Variants in ARHGAP10 observed in about 807,000 individuals in gnomAD.
The protein encoded by ARHGAP10 is rho GTPase-activating protein 10.
Under a neutral mutation model 108.6 loss-of-function variants are expected in ARHGAP10, and 87 were observed. That is an observed-to-expected ratio of 0.80 (90% CI 0.67 to 0.96). The LOEUF (loss-of-function observed/expected upper bound fraction) is 0.96, where lower values mean the gene tolerates loss of function less well. ARHGAP10 is among the 40% of genes least tolerant of loss of function. ARHGAP10 has a pLI of 0.00. For synonymous variants in ARHGAP10, 347 were observed against 341.1 expected, an observed-to-expected ratio of 1.02 and a Z score of -0.19; for missense variants, 939 against 954.5, an observed-to-expected ratio of 0.98 and a Z score of 0.21.
At chr4:147,994,108 A>T (rs1218002668) in intron 18 of ARHGAP10, among the ~76,000 whole-genome samples, 2 of 152,218 alleles carry the variant, frequency 1.3e-5, no homozygotes, top group African/African-American at 4.8e-5. Flanking sequence ...ACAGTTAGAA[A>T]GTTCCTTGTG....
At chr4:147,751,509 G>A (rs1477011854) in intron 1 of ARHGAP10, among the ~76,000 whole-genome samples, 3 of 151,658 alleles carry the variant, frequency 2.0e-5, no homozygotes, top group South Asian at 2.1e-4. Flanking sequence ...GATGACAGGC[G>A]CATGCTACCA....
intron 1 of ARHGAP10, among the ~76,000 whole-genome samples, chr4:147,776,926 G>T (rs1302458524): frequency 2.6e-5 from 4 of 152,200 alleles, no homozygotes; most frequent in African/African-American, 9.7e-5. Flanking sequence ...GGTGGGCTCT[G>T]TCCTACGAGA....
At chr4:148,008,656 A>T (rs971812966) in intron 18 of ARHGAP10, among the ~76,000 whole-genome samples, 3 of 152,118 alleles carry the variant, frequency 2.0e-5, no homozygotes, top group African/African-American at 4.8e-5. Flanking sequence ...GTTGGGTTGG[A>T]TGTTTTTAAT....
At chr4:147,994,842 G>T (rs1403473334) in intron 18 of ARHGAP10, among the ~76,000 whole-genome samples, 1 of 152,196 alleles carries the variant, frequency 6.6e-6, no homozygotes, top group South Asian at 2.1e-4. Flanking sequence ...GGAAATGACC[G>T]CTAAGAGGAT....
chr4:147,798,724 A>ACTCTCT (rs1178256407), intron 1 of ARHGAP10, among the ~76,000 whole-genome samples: 9 of 86,008 alleles, frequency 1.0e-4, no homozygotes, highest in African/African-American at 6.2e-4. Context: ...AGTTTGAGAC[A>ACTCTCT]CTCTCTCTCT....
At chr4:147,984,218 G>A (rs189949720) in intron 18 of ARHGAP10, among the ~76,000 whole-genome samples, 9 of 152,308 alleles carry the variant, frequency 5.9e-5, no homozygotes, top group African/African-American at 2.2e-4. Flanking sequence ...TGGGCAGAGG[G>A]AGGCAACAGA....
At chr4:147,937,076 C>T (rs1225457618) in intron 13 of ARHGAP10, among the ~76,000 whole-genome samples, 1 of 152,200 alleles carries the variant, frequency 6.6e-6, no homozygotes, top group Non-Finnish European at 1.5e-5. Flanking sequence ...ATCCCCCCCA[C>T]CCCAATCGGT....
intron 4 of ARHGAP10, among the ~76,000 whole-genome samples, chr4:147,848,542 T>G (rs771114470): frequency 2.6e-5 from 4 of 152,234 alleles, no homozygotes; most frequent in Non-Finnish European, 4.4e-5. Context: ...ATGATTTTGT[T>G]TTGATTGTGT....
intron 19 of ARHGAP10, among the ~76,000 whole-genome samples, chr4:148,032,823 T>A (rs191937845): frequency 8.5e-5 from 13 of 152,086 alleles, no homozygotes; most frequent in Admixed American, 4.6e-4. Flanking sequence ...AGTCCAAATC[T>A]GAAGAACTTG....
intron 19 of ARHGAP10, among the ~76,000 whole-genome samples, chr4:148,038,989 T>G (rs1233971470): frequency 1.3e-5 from 2 of 152,170 alleles, no homozygotes; most frequent in African/African-American, 4.8e-5. Flanking sequence ...TATATTTCTC[T>G]CCCCACTTCC....
intron 22 of ARHGAP10, among the ~76,000 whole-genome samples, chr4:148,069,657 T>C (rs980012297): frequency 1.7e-4 from 26 of 152,212 alleles, no homozygotes; most frequent in African/African-American, 6.3e-4. Flanking sequence ...TGAGACTCTC[T>C]TACTGCCTCC....
chr4:148,047,753 A>G (rs1004446153), intron 20 of ARHGAP10, among the ~76,000 whole-genome samples: 21 of 152,366 alleles, frequency 1.4e-4, no homozygotes, highest in Admixed American at 1.0e-3. Context: ...AATAATAATT[A>G]CAAGGCAATA....
chr4:147,769,306 T>A (rs567843457), intron 1 of ARHGAP10, among the ~76,000 whole-genome samples: 2 of 152,218 alleles, frequency 1.3e-5, no homozygotes, highest in South Asian at 4.1e-4. Flanking sequence ...TCAGTAAATG[T>A]TGTTGAGGAA....
At chr4:147,797,325 A>G (rs958220898) in intron 1 of ARHGAP10, among the ~76,000 whole-genome samples, 1 of 151,952 alleles carries the variant, frequency 6.6e-6, no homozygotes, top group African/African-American at 2.4e-5. Flanking sequence ...CATGCCTTCT[A>G]TGTTCCTCAC....
Position 147,775,491 on chromosome 4 carries a change from G to A in ARHGAP10, c.154+43036G>A, listed in dbSNP as rs951760218. Among the ~76,000 whole-genome samples, 8 of 152,180 alleles carry A rather than the reference G, an allele frequency of 5.3e-5. No individual in the cohort carries two copies. In the South Asian group the frequency reaches 1.7e-3, roughly 32 times the overall value. ...ACTCTTCCTCAGAGCTGCATTAGGG[G>A]CCTATCAAGCCTTGCTCTCACATAT... On this transcript the variant is annotated intron_variant, in intron 1 of 22. Coordinates refer to ENST00000336498, the MANE Select transcript of ARHGAP10 (RefSeq NM_024605.4).
chr4:147,746,561 T>C (rs1728933141), intron 1 of ARHGAP10, among the ~76,000 whole-genome samples: 1 of 151,968 alleles, frequency 6.6e-6, no homozygotes, highest in African/African-American at 2.4e-5. Context: ...CGTTAATTTT[T>C]GTATTTTTAG....
chr4:148,027,222 T>C (rs1727911256), intron 19 of ARHGAP10, among the ~76,000 whole-genome samples: 6 of 152,264 alleles, frequency 3.9e-5, no homozygotes, highest in Admixed American at 3.3e-4. Flanking sequence ...ATGTATCTTC[T>C]GGTGTAATTA....
chr4:148,030,733 C>A (rs1436215280), intron 19 of ARHGAP10, among the ~76,000 whole-genome samples: 1 of 152,150 alleles, frequency 6.6e-6, no homozygotes, highest in East Asian at 1.9e-4. Context: ...CATCAGTTGT[C>A]TTCAGTTGGC....
At chr4:147,964,549 C>T (rs1025170754) in intron 16 of ARHGAP10, among the ~76,000 whole-genome samples, 6 of 152,178 alleles carry the variant, frequency 3.9e-5, no homozygotes, top group Non-Finnish European at 8.8e-5. Flanking sequence ...CAGTTTAAAA[C>T]AGCCACACTG....
Sources: gnomAD v4.1 joint callset for allele counts (sites outside exome capture counted in the v4.1 genomes callset) on GRCh38, gnomAD v4.1.1 for gene constraint, MANE v1.5 for transcripts, NCBI Gene and HGNC (gene_info 2026-07-23, HGNC 2026-07-21) for gene names.